HS3ST3B1: variants seen among roughly 807,000 people sequenced by gnomAD.
HS3ST3B1 encodes heparan sulfate glucosamine 3-O-sulfotransferase 3B1.
In HS3ST3B1, 13 loss-of-function variants were observed where a neutral mutation model predicts 21.3. The observed-to-expected ratio is 0.61, with a 90% CI of 0.40 to 0.97. The LOEUF (loss-of-function observed/expected upper bound fraction) is 0.97, where lower values mean the gene tolerates loss of function less well. Ranked by LOEUF, HS3ST3B1 falls within the 50% of genes least tolerant of loss-of-function variation. The pLI is 0.00. For missense variants in HS3ST3B1, 459 were observed against 554.8 expected, an observed-to-expected ratio of 0.83 and a Z score of 1.73; for synonymous variants, 234 against 254.8, an observed-to-expected ratio of 0.92 and a Z score of 0.78.
intron 1 of HS3ST3B1, among the ~76,000 whole-genome samples, chr17:14,307,299 T>G (rs1251323142): frequency 6.6e-6 from 1 of 152,160 alleles, no homozygotes; most frequent in Non-Finnish European, 1.5e-5. Context: ...AATTTACAAT[T>G]TAGCATAGAC....
intron 1 of HS3ST3B1, among the ~76,000 whole-genome samples, chr17:14,343,175 G>T (rs577939724): frequency 4.0e-5 from 6 of 151,860 alleles, no homozygotes; most frequent in African/African-American, 1.5e-4. Context: ...CCGAGAGGCG[G>T]AGGTTGCAGT....
chr17:14,306,571 T>C (rs1414887645), intron 1 of HS3ST3B1, among the ~76,000 whole-genome samples: 1 of 152,210 alleles, frequency 6.6e-6, no homozygotes, highest in Non-Finnish European at 1.5e-5. Context: ...ACTTCAGAAA[T>C]CTCTCTCTTG....
At chr17:14,341,882 GCGAGC>G (rs1200945774) in intron 1 of HS3ST3B1, among the ~76,000 whole-genome samples, 1 of 152,160 alleles carries the variant, frequency 6.6e-6, no homozygotes, top group Non-Finnish European at 1.5e-5. Flanking sequence ...AAAATAAGTT[GCGAGC>G]CGAGACTCTC....
chr17:14,334,652 C>A (rs1332668530), intron 1 of HS3ST3B1, among the ~76,000 whole-genome samples: 1 of 152,180 alleles, frequency 6.6e-6, no homozygotes, highest in Non-Finnish European at 1.5e-5. Context: ...ATAGTTTACA[C>A]TGGGGTTCAC....
Position 14,301,363 on chromosome 17 carries a change from A to C in HS3ST3B1, c.-156A>C. 6 of 559,404 alleles carry C rather than the reference A, an allele frequency of 1.1e-5. No homozygotes were observed. The highest frequency in any genetic ancestry group is 1.4e-5 in the Non-Finnish European group (5 of 354,242). The allele number at this position is 559,404 out of a possible 1,614,324, so 34.7% of individuals were successfully genotyped here. ...TACAGCTGCCGCCGCCACCTGGGGAAGAGCAGCAGCAGCAGCGGCGGCCGC... is the reference window on the plus strand; with the variant it reads ...TACAGCTGCCGCCGCCACCTGGGGACGAGCAGCAGCAGCAGCGGCGGCCGC... On this transcript the variant is annotated 5_prime_UTR_variant, in exon 1 of 2. Coordinates refer to ENST00000360954, the MANE Select transcript of HS3ST3B1 (RefSeq NM_006041.3).
At chr17:14,330,549 C>CA (rs1399139175) in intron 1 of HS3ST3B1, among the ~76,000 whole-genome samples, 2 of 87,974 alleles carry the variant, frequency 2.3e-5, no homozygotes, top group Admixed American at 1.2e-4. Flanking sequence ...CCTGGTTTCC[C>CA]GGTGTGTGTG....
At position 14,345,685 on chromosome 17, in the gene HS3ST3B1, T is replaced by C. The variant is rs1012901355; in HGVS notation, c.*39T>C. On this transcript the variant is annotated 3_prime_UTR_variant, in exon 2 of 2. Coordinates refer to ENST00000360954, the MANE Select transcript of HS3ST3B1 (RefSeq NM_006041.3). ...ATGTACCTTACCCACGTGGCTTATC[T>C]ATTGACAGAGATTATATGTATGTAA... is the stretch of plus-strand genomic sequence containing the variant. 9 of 1,591,312 alleles carry C rather than the reference T, an allele frequency of 5.7e-6. No homozygotes were observed. In the African/African-American group the frequency reaches 1.1e-4, roughly 19 times the overall value.
At chr17:14,331,357 A>G (rs1738136813) in intron 1 of HS3ST3B1, among the ~76,000 whole-genome samples, 1 of 151,962 alleles carries the variant, frequency 6.6e-6, no homozygotes, top group African/African-American at 2.4e-5. Flanking sequence ...AGCGGGGCCT[A>G]TAACCGAGGA....
rs1229042938 is a variant in HS3ST3B1 at position 14,303,161 on chromosome 17, G to A, written c.554+1089G>A. 6.6e-6 allele frequency among the ~76,000 whole-genome samples: 1 copy of A among 152,096 alleles called. No individual in the cohort carries two copies. Among genetic ancestry groups the A allele is most frequent in the Non-Finnish European group, 1.5e-5 (1 of 68,026 alleles). ...ATAACTGTCTTCGACTAGGGGCCCA[G>A]GTAACGACCCCCACATTTTCGTTGG... is the stretch of plus-strand genomic sequence containing the variant. On this transcript the variant is annotated intron_variant, in intron 1 of 1. Transcript: ENST00000360954. This position sits in a 1 kb window ranked among gnomAD's most constrained non-coding sequence, Gnocchi z 5.7.
At chr17:14,312,347 G>T (rs1214290085) in intron 1 of HS3ST3B1, among the ~76,000 whole-genome samples, 1 of 152,144 alleles carries the variant, frequency 6.6e-6, no homozygotes, top group Non-Finnish European at 1.5e-5. Context: ...TAACTTGGAG[G>T]CTGTCTACCT....
In HS3ST3B1 at chr17:14,334,220, C is replaced by T. The variant is rs578015705; in HGVS notation, c.555-10808C>T. 1.4e-3 allele frequency among the ~76,000 whole-genome samples: 215 copies of T among 150,374 alleles called. 1 individual carries two copies. The highest frequency in any genetic ancestry group is 4.9e-3 in the African/African-American group (199 of 40,942). On this transcript the variant is annotated intron_variant, in intron 1 of 1. Transcript: ENST00000360954. ...TTGAAAAGTTTGGGGGAGCCTGAGT[C>T]GTTTGATTGGGAGAAGAATCTTTGC...
At chr17:14,311,555 C>T (rs1424121121) in intron 1 of HS3ST3B1, among the ~76,000 whole-genome samples, 5 of 152,240 alleles carry the variant, frequency 3.3e-5, no homozygotes, top group South Asian at 2.1e-4. Context: ...ACTCAGGGTC[C>T]GTAGGTTTAC....
chr17:14,301,672 G>C lies in HS3ST3B1; in HGVS notation c.154G>C (p.Ala52Pro), dbSNP rs746030450. The change falls in exon 1 of 2, where the codon GCC becomes CCC. Residue 52 changes from alanine to proline, a missense_variant. Ala to Pro is a conservative substitution (Grantham distance 27, BLOSUM62 -1). This residue lies in a region of HS3ST3B1 where 317 missense variants were observed against 278.6 expected (regional missense o/e 1.14). Coordinates refer to ENST00000360954, the MANE Select transcript of HS3ST3B1 (RefSeq NM_006041.3). Reference sequence around the variant, plus strand: ...GCTCTATATGTTCCTGTACTCGTGCGCCGGCTCCTGCGCCGCCGCGCCGGG... The same window carrying C: ...GCTCTATATGTTCCTGTACTCGTGCCCCGGCTCCTGCGCCGCCGCGCCGGG... ...VWLYMFLYSC[A>P]GSCAAAPGLL... 5.0e-6 allele frequency: 8 copies of C among 1,602,140 alleles called. No homozygotes were observed. Among genetic ancestry groups the C allele is most frequent in the Non-Finnish European group, 6.8e-6 (8 of 1,176,378 alleles).
In HS3ST3B1 at chr17:14,341,817, C is replaced by G. The variant is rs183722676; in HGVS notation, c.555-3211C>G. The stretch of plus-strand genomic sequence containing the variant: ...CTGTCTAGTTGCAGATGGCTTAACA[C>G]AGGGGAAAAAGAACTTGGGCTTTAT... On this transcript the variant is annotated intron_variant, in intron 1 of 1. Coordinates refer to ENST00000360954, the MANE Select transcript of HS3ST3B1 (RefSeq NM_006041.3). Among the ~76,000 whole-genome samples the G allele has an allele frequency of 2.5e-4, 38 of 152,290 alleles. No individual in the cohort carries two copies. The East Asian group carries it at 6.0e-3, about 24-fold the overall frequency.
chr17:14,322,517 T>C (rs890369030), intron 1 of HS3ST3B1, among the ~76,000 whole-genome samples: 4 of 152,296 alleles, frequency 2.6e-5, no homozygotes, highest in Middle Eastern at 3.4e-3. Context: ...AACTTATTTT[T>C]CTGTAGCATG....
At chr17:14,310,245 C>G (rs1017288610) in intron 1 of HS3ST3B1, among the ~76,000 whole-genome samples, 2 of 152,192 alleles carry the variant, frequency 1.3e-5, no homozygotes, top group African/African-American at 4.8e-5. Flanking sequence ...GGCACGCCCC[C>G]TCCCCAGCAC....
intron 1 of HS3ST3B1, among the ~76,000 whole-genome samples, chr17:14,342,967 GGA>G (rs1910432832): frequency 6.6e-6 from 1 of 152,146 alleles, no homozygotes; most frequent in South Asian, 2.1e-4. Flanking sequence ...TCAATGGCCG[GGA>G]GCAGTGGCTC....
intron 1 of HS3ST3B1, among the ~76,000 whole-genome samples, chr17:14,308,598 G>T (rs1026687335): frequency 6.6e-5 from 10 of 152,150 alleles, no homozygotes; most frequent in African/African-American, 2.4e-4. Flanking sequence ...AGTACTGTCC[G>T]AGAGGAGTTT....
Position 14,301,201 on chromosome 17 carries a change from CGA to C in HS3ST3B1, c.-314_-313del, listed in dbSNP as rs370517075. 1.9e-3 allele frequency: 796 copies of C among 414,354 alleles called. 7 individuals carry two copies. Among genetic ancestry groups the C allele is most frequent in the African/African-American group, 0.016 (732 of 47,086 alleles). 25.7% of individuals were successfully genotyped at this position (414,354 alleles called of 1,614,324 possible). ...CGCACAGTCTAGAGTGGCCAGGGCGCGAGAGTGCAACGTCCTCCTGGCCCCGA... is the reference window on the plus strand; with the variant it reads ...CGCACAGTCTAGAGTGGCCAGGGCGCGAGTGCAACGTCCTCCTGGCCCCGA... On this transcript the variant is annotated 5_prime_UTR_variant, in exon 1 of 2. Coordinates refer to ENST00000360954, the MANE Select transcript of HS3ST3B1 (RefSeq NM_006041.3).
Sources: gnomAD v4.1 joint callset for allele counts (sites outside exome capture counted in the v4.1 genomes callset) on GRCh38, gnomAD v4.1.1 for gene constraint, gnomAD v4.1.1 regional missense constraint, Gnocchi (gnomAD v3.1) non-coding constraint, MANE v1.5 for transcripts, NCBI Gene and HGNC (gene_info 2026-07-23, HGNC 2026-07-21) for gene names.